The following NTM variants were observed in gnomAD, a reference collection of about 807,000 sequenced individuals.
NTM encodes the protein IgLON family member 2.
In NTM, 13 loss-of-function variants were observed where a neutral mutation model predicts 42.1. The observed-to-expected ratio is 0.31, with a 90% CI of 0.20 to 0.49. The LOEUF is 0.49. NTM is among the 20% of genes least tolerant of loss of function. NTM has a pLI of 0.99. For synonymous variants in NTM, 187 were observed against 179.2 expected (o/e 1.04, Z -0.35); for missense variants, 373 against 452.8 (o/e 0.82, Z 1.60).
At chr11:131,874,038 T>TTATATATATATATAATAATATAATATA (rs2048226935) in intron 1 of NTM, among the ~76,000 whole-genome samples, 1 of 32,034 alleles carries the variant, frequency 3.1e-5, no homozygotes, top group Non-Finnish European at 4.7e-5. Flanking sequence ...ATAATATATA[T>TTATATATATATATAATAATATAATATA]ATATATATAT....
chr11:131,862,369 CCTGAGGAAGGCTTCAACAGAA>C lies in NTM; in HGVS notation c.83-49189_83-49169del, dbSNP rs572107541. 6.5e-4 allele frequency among the ~76,000 whole-genome samples: 99 copies of C among 152,254 alleles called. 4 individuals are homozygous for C. In the South Asian group the frequency reaches 0.02, roughly 30 times the overall value. ...CAGACAAGATAGCAACTTCCTGGTC[CCTGAGGAAGGCTTCAACAGAA>C]CTGAGCAACCCTATCCCAGGAGTCC... On this transcript the variant is annotated intron_variant, in intron 1 of 8. Transcript: ENST00000683400.
At chr11:131,509,259 A>G (rs997972715) in intron 1 of NTM, among the ~76,000 whole-genome samples, 22 of 152,224 alleles carry the variant, frequency 1.4e-4, no homozygotes, top group African/African-American at 5.3e-4. Flanking sequence ...CTTATGGGCT[A>G]GAGGTTTCCC....
At chr11:131,983,710 C>A (rs2065632446) in intron 2 of NTM, among the ~76,000 whole-genome samples, 1 of 150,762 alleles carries the variant, frequency 6.6e-6, no homozygotes, top group African/African-American at 2.4e-5. Context: ...AAATAAAATT[C>A]TCTGAGTTGA....
Position 132,146,524 on chromosome 11 carries a change from CG to C in NTM, c.400+14del. 6.2e-7 allele frequency: 1 copy of C among 1,610,392 alleles called. No individual in the cohort carries two copies. Among genetic ancestry groups the C allele is most frequent in the Non-Finnish European group, 8.5e-7 (1 of 1,177,160 alleles). Reference sequence around the variant, plus strand: ...CACCTCATTGTGCAAGGTAGGTGGGCGGGGCTTGGCGGGGAGATCTGGCTGG... The same window carrying C: ...CACCTCATTGTGCAAGGTAGGTGGGCGGGCTTGGCGGGGAGATCTGGCTGG... On this transcript the variant is annotated intron_variant, in intron 3 of 8. Coordinates refer to ENST00000683400, the MANE Select transcript of NTM (RefSeq NM_001352005.2). This position sits in a 1 kb window ranked among gnomAD's most constrained non-coding sequence, Gnocchi z 4.5.
rs182760108 is a variant in NTM at position 131,666,169 on chromosome 11, C to A, written c.83-245395C>A. 3.2e-3 allele frequency among the ~76,000 whole-genome samples: 483 copies of A among 152,268 alleles called. 3 individuals carry two copies. Among genetic ancestry groups the A allele is most frequent in the African/African-American group, 0.011 (453 of 41,554 alleles). ...TGCCCAGGGCTATTGAATTCCTCAA[C>A]CCATGGTCAAGTGACTGAGTGAGGC... On this transcript the variant is annotated intron_variant, in intron 1 of 8. Transcript: ENST00000683400.
At chr11:131,832,828 A>G (rs1484732364) in intron 1 of NTM, among the ~76,000 whole-genome samples, 2 of 152,218 alleles carry the variant, frequency 1.3e-5, no homozygotes, top group Non-Finnish European at 2.9e-5. Flanking sequence ...AGGATTAAAT[A>G]TATATATAGA....
intron 1 of NTM, among the ~76,000 whole-genome samples, chr11:131,462,954 A>C (rs75360024): frequency 0.073 from 11,140 of 151,954 alleles, 985 homozygotes; most frequent in East Asian, 0.21. Flanking sequence ...TACTCATGAA[A>C]AAAAAAAAAA....
intron 2 of NTM, among the ~76,000 whole-genome samples, chr11:132,125,771 A>AGTGTG (rs2065696461): frequency 8.0e-4 from 1 of 1,256 alleles, no homozygotes; most frequent in Non-Finnish European, 2.0e-3. Flanking sequence ...GTTGTGGTAT[A>AGTGTG]TGGTGCATGT....
At chr11:132,007,797 G>A (rs1243253202) in intron 2 of NTM, among the ~76,000 whole-genome samples, 1 of 152,114 alleles carries the variant, frequency 6.6e-6, no homozygotes, top group Non-Finnish European at 1.5e-5. Context: ...TTTCATCTCA[G>A]GTCAGCTAAA....
At chr11:131,393,663 G>C (rs1944263123) in intron 1 of NTM, among the ~76,000 whole-genome samples, 1 of 152,160 alleles carries the variant, frequency 6.6e-6, no homozygotes, top group Non-Finnish European at 1.5e-5. Context: ...ACAGCGCAAA[G>C]ACCTACCTTT....
intron 2 of NTM, among the ~76,000 whole-genome samples, chr11:132,005,669 C>T (rs778179177): frequency 2.0e-4 from 30 of 152,150 alleles, no homozygotes; most frequent in Non-Finnish European, 3.4e-4. Flanking sequence ...TACCATCCAA[C>T]ATGCTAATTG....
intron 2 of NTM, among the ~76,000 whole-genome samples, chr11:132,050,964 A>C (rs1330880716): frequency 6.6e-6 from 1 of 152,208 alleles, no homozygotes; most frequent in East Asian, 1.9e-4. Flanking sequence ...ACTTGATGAA[A>C]TCTGAGCCCT....
intron 1 of NTM, among the ~76,000 whole-genome samples, chr11:131,549,165 T>C (rs1324102200): frequency 1.3e-5 from 2 of 152,148 alleles, no homozygotes; most frequent in Non-Finnish European, 2.9e-5. Context: ...GAAAGCTGTA[T>C]CTTTTTCTGG....
At chr11:132,248,233 T>C (rs1260460131) in intron 4 of NTM, among the ~76,000 whole-genome samples, 15 of 152,192 alleles carry the variant, frequency 9.9e-5, no homozygotes, top group African/African-American at 3.4e-4. Context: ...CTTGTCACTG[T>C]AGAGTTGAGA....
intron 1 of NTM, among the ~76,000 whole-genome samples, chr11:131,489,401 T>A (rs1030879248): frequency 7.9e-5 from 12 of 152,228 alleles, no homozygotes; most frequent in Non-Finnish European, 1.5e-4. Context: ...GTGCCATTCA[T>A]TGACCTCACC....
At chr11:132,220,407 G>A (rs920421403) in intron 4 of NTM, among the ~76,000 whole-genome samples, 8 of 152,186 alleles carry the variant, frequency 5.3e-5, no homozygotes, top group Non-Finnish European at 1.2e-4. Flanking sequence ...AAATTTGCCA[G>A]TGTCAATAGG....
intron 1 of NTM, among the ~76,000 whole-genome samples, chr11:131,733,874 A>C (rs2080065659): frequency 6.6e-6 from 1 of 152,190 alleles, no homozygotes; most frequent in Admixed American, 6.5e-5. Flanking sequence ...ATAATCTATC[A>C]TATGGATATG....
chr11:132,254,697 C>T (rs1194120033), intron 4 of NTM, among the ~76,000 whole-genome samples: 1 of 152,160 alleles, frequency 6.6e-6, no homozygotes, highest in Admixed American at 6.5e-5. Context: ...CACCACCATT[C>T]TGTGGTGATG....
At chr11:131,923,889 A>G (rs2057572441) in intron 2 of NTM, among the ~76,000 whole-genome samples, 1 of 152,330 alleles carries the variant, frequency 6.6e-6, no homozygotes, top group South Asian at 2.1e-4. Flanking sequence ...CACTGGGTAT[A>G]TGACCTTTGG....
Sources: allele counts gnomAD v4.1 joint callset (sites outside exome capture counted in the v4.1 genomes callset), GRCh38; gene constraint gnomAD v4.1.1; non-coding constraint Gnocchi (gnomAD v3.1); transcripts MANE v1.5; gene names NCBI Gene and HGNC (gene_info 2026-07-23, HGNC 2026-07-21).